The following ANKRD46 variants were observed in gnomAD, a reference collection of about 807,000 sequenced individuals.
ANKRD46 encodes the protein ankyrin repeat domain-containing protein 46.
A neutral mutation model predicts 19.8 loss-of-function variants in ANKRD46; 13 were observed. The observed-to-expected ratio is 0.66, with a 90% CI of 0.43 to 1.04. The LOEUF (loss-of-function observed/expected upper bound fraction) is 1.04, where lower values mean the gene tolerates loss of function less well. Ranked by LOEUF, ANKRD46 falls within the 50% of genes least tolerant of loss-of-function variation. The pLI is 0.00. For synonymous variants in ANKRD46, 91 were observed against 106.9 expected, an observed-to-expected ratio of 0.85 and a Z score of 0.92; for missense variants, 185 against 274.8, an observed-to-expected ratio of 0.67 and a Z score of 2.31.
chr8:100,532,339 C>T lies in ANKRD46; in HGVS notation c.-28+870G>A, dbSNP rs577103708. ...TTAAAATTAGCCAGGCATGGTGGCGCGCGCCTTTCGTCCCACCTGTTCGGG... is the reference window on the plus strand; with the variant it reads ...TTAAAATTAGCCAGGCATGGTGGCGTGCGCCTTTCGTCCCACCTGTTCGGG... On this transcript the variant is annotated intron_variant, in intron 2 of 4. Coordinates refer to ENST00000335659, the MANE Select transcript of ANKRD46 (RefSeq NM_001270377.2). The surrounding 1 kb of genome is among the most constrained non-coding windows in gnomAD (Gnocchi z 4.7). 3.3e-5 allele frequency: 5 copies of T among 152,066 alleles called. No individual in the cohort carries two copies. Among genetic ancestry groups the T allele is most frequent in the African/African-American group, 1.2e-4 (5 of 41,470 alleles). 9.4% of individuals were successfully genotyped at this position (152,066 alleles called of 1,614,324 possible).
At chr8:100,541,254 T>A (rs1396479106) in intron 1 of ANKRD46, among the ~76,000 whole-genome samples, 1 of 152,124 alleles carries the variant, frequency 6.6e-6, no homozygotes, top group African/African-American at 2.4e-5. Context: ...AAAGTGCTAC[T>A]TAAATGGCAT....
downstream of ANKRD46, among the ~76,000 whole-genome samples, chr8:100,519,550 G>A (rs900028886): frequency 6.6e-6 from 1 of 152,096 alleles, no homozygotes; most frequent in Non-Finnish European, 1.5e-5. Context: ...TTTTGAATTC[G>A]GATTTTGGTT....
chr8:100,540,744 G>A (rs1812159084), intron 1 of ANKRD46, among the ~76,000 whole-genome samples: 1 of 152,046 alleles, frequency 6.6e-6, no homozygotes, highest in African/African-American at 2.4e-5. Flanking sequence ...AAAATTAATT[G>A]TTCACAAAAG....
At chr8:100,551,005 G>A (rs535252521) in intron 1 of ANKRD46, 66 of 531,460 alleles carry the variant, frequency 1.2e-4, no homozygotes, top group South Asian at 5.1e-4. Context: ...CAACCAACAC[G>A]TTTGCAGAAG....
At chr8:100,519,838 G>A (rs1292769396), downstream of ANKRD46, among the ~76,000 whole-genome samples, 1 of 152,160 alleles carries the variant, frequency 6.6e-6, no homozygotes, top group Non-Finnish European at 1.5e-5. Context: ...GCTCACACCT[G>A]CAGCTTGTTG....
rs564725519 is a variant in ANKRD46 at position 100,552,590 on chromosome 8, T to C, written c.-131+7121A>G. Among the ~76,000 whole-genome samples the C allele has an allele frequency of 3.5e-4, 54 of 152,334 alleles. 2 individuals carry two copies. The South Asian group carries it at 0.011, about 32-fold the overall frequency. On this transcript the variant is annotated intron_variant, in intron 1 of 4. Coordinates refer to ENST00000335659, the MANE Select transcript of ANKRD46 (RefSeq NM_001270377.2). ...GGTCAGTCTTTATTATCTAAGGCCA[T>C]GTAACATATCACATTCCCTAGCTAT...
At position 100,521,836 on chromosome 8, in the gene ANKRD46, G is replaced by C. The variant is rs1811730015; in HGVS notation, c.*719C>G. The C allele has an allele frequency of 2.0e-6, 2 of 985,168 alleles. No homozygotes were observed. Among genetic ancestry groups the C allele is most frequent in the African/African-American group, 3.5e-5 (2 of 57,326 alleles). The allele number at this position is 985,168 out of a possible 1,614,324, so 61.0% of individuals were successfully genotyped here. ...TATCTTTGATGACTAGGATACTCGGGAAAATTGGAAAGTGAACAAAATGAA... is the reference window on the plus strand; with the variant it reads ...TATCTTTGATGACTAGGATACTCGGCAAAATTGGAAAGTGAACAAAATGAA... On this transcript the variant is annotated 3_prime_UTR_variant, in exon 5 of 5. Transcript: ENST00000335659.
intron 1 of ANKRD46, among the ~76,000 whole-genome samples, chr8:100,548,936 A>T (rs1020428428): frequency 6.6e-6 from 1 of 152,162 alleles, no homozygotes; most frequent in African/African-American, 2.4e-5. Flanking sequence ...TCCCATAAGC[A>T]GGTACATATT....
At chr8:100,516,534 A>C (rs1312943499), downstream of ANKRD46, among the ~76,000 whole-genome samples, 1 of 152,244 alleles carries the variant, frequency 6.6e-6, no homozygotes, top group East Asian at 1.9e-4. Flanking sequence ...CAACTTAAGT[A>C]GGCTAAAGTG....
intron 1 of ANKRD46, chr8:100,551,420 G>A: frequency 1.6e-6 from 1 of 632,428 alleles, no homozygotes; most frequent in South Asian, 1.4e-5. Context: ...GAAGATGCCA[G>A]TGGACTCCAC....
intron 4 of ANKRD46, among the ~76,000 whole-genome samples, chr8:100,526,454 A>G (rs1218504964): frequency 6.6e-6 from 1 of 152,254 alleles, no homozygotes; most frequent in Admixed American, 6.5e-5. Context: ...AATCTTTAAC[A>G]AATAATAGTT....
chr8:100,515,660 G>A (rs1480099989), intron 5 of ANKRD46, among the ~76,000 whole-genome samples: 1 of 148,188 alleles, frequency 6.7e-6, no homozygotes, highest in Non-Finnish European at 1.5e-5. Context: ...AGGTGCGGGG[G>A]AGGGGGGGGG....
At chr8:100,519,190 A>T (rs1022978135), downstream of ANKRD46, among the ~76,000 whole-genome samples, 4 of 152,214 alleles carry the variant, frequency 2.6e-5, no homozygotes, top group African/African-American at 9.6e-5. Context: ...TCCAGGCCTA[A>T]GTCAACCTGT....
downstream of ANKRD46, among the ~76,000 whole-genome samples, chr8:100,519,802 G>A (rs1262890704): frequency 6.6e-6 from 1 of 152,152 alleles, no homozygotes; most frequent in Non-Finnish European, 1.5e-5. Context: ...AGCTACAGGC[G>A]CACTGTGGAA....
intron 1 of ANKRD46, chr8:100,551,291 GT>G: frequency 2.0e-6 from 1 of 510,448 alleles, no homozygotes; most frequent in Non-Finnish European, 3.7e-6. Context: ...TCTTGAGGCT[GT>G]TTTCAGACTT....
chr8:100,526,887 T>C (rs946944601), intron 4 of ANKRD46, among the ~76,000 whole-genome samples: 2 of 152,160 alleles, frequency 1.3e-5, no homozygotes, highest in Non-Finnish European at 2.9e-5. Flanking sequence ...CATCAGCTAC[T>C]AGGTAAACAG....
chr8:100,514,463 C>T (rs1043116677), intron 5 of ANKRD46, among the ~76,000 whole-genome samples: 1 of 151,516 alleles, frequency 6.6e-6, no homozygotes, highest in African/African-American at 2.4e-5. Flanking sequence ...TAAACTAATT[C>T]AGACATGAAA....
At position 100,521,874 on chromosome 8, in the gene ANKRD46, T is replaced by C; in HGVS notation, c.*681A>G. On this transcript the variant is annotated 3_prime_UTR_variant, in exon 5 of 5. Coordinates refer to ENST00000335659, the MANE Select transcript of ANKRD46 (RefSeq NM_001270377.2). ...TGAACAAAATGAACTCATTTATTTT[T>C]CACAGATATTAACAAGCAAAGCAGT... is the stretch of plus-strand genomic sequence containing the variant. The C allele has an allele frequency of 4.1e-6, 4 of 984,942 alleles. No homozygotes were observed. The highest frequency in any genetic ancestry group is 4.8e-6 in the Non-Finnish European group (4 of 829,470). 61.0% of individuals were successfully genotyped at this position (984,942 alleles called of 1,614,324 possible). A position where few individuals can be genotyped will look rare whatever the true frequency, so the allele number is the denominator to read the frequency against.
chr8:100,515,401 G>C (rs1454869989), intron 5 of ANKRD46, among the ~76,000 whole-genome samples: 1 of 152,126 alleles, frequency 6.6e-6, no homozygotes, highest in Admixed American at 6.5e-5. Context: ...TTTTTGAGAA[G>C]TGGCAAGATT....
Sources: gnomAD v4.1 joint callset for allele counts (sites outside exome capture counted in the v4.1 genomes callset) on GRCh38, gnomAD v4.1.1 for gene constraint, Gnocchi (gnomAD v3.1) non-coding constraint, MANE v1.5 for transcripts, NCBI Gene and HGNC (gene_info 2026-07-23, HGNC 2026-07-21) for gene names.